DIAPH2: variants seen among roughly 807,000 people sequenced by gnomAD.
DIAPH2 encodes diaphanous related formin 2, also known as protein diaphanous homolog 2.
Under a neutral mutation model 92.7 loss-of-function variants are expected in DIAPH2, and 35 were observed. The observed-to-expected ratio is 0.38, with a 90% CI of 0.29 to 0.50. DIAPH2 has a LOEUF of 0.50. Ranked by LOEUF, DIAPH2 falls within the 20% of genes least tolerant of loss-of-function variation. The pLI is 0.94. For synonymous variants in DIAPH2, 301 were observed against 280.4 expected, an observed-to-expected ratio of 1.07 and a Z score of -0.73; for missense variants, 701 against 819.5, an observed-to-expected ratio of 0.86 and a Z score of 1.77.
At chrX:97,396,692 C>A (rs1156305488) in intron 25 of DIAPH2, among the ~76,000 whole-genome samples, 1 of 111,984 alleles carries the variant, frequency 8.9e-6, no homozygotes, top group African/African-American at 3.2e-5. Context: ...GGATTATGGA[C>A]AAAAACCTTT....
At chrX:96,924,049 C>A (rs12007742) in intron 9 of DIAPH2, among the ~76,000 whole-genome samples, 5,453 of 111,585 alleles carry the variant, frequency 0.049, 350 homozygotes, top group African/African-American at 0.17. Context: ...GATTTTACTG[C>A]AAGCATACTT....
chrX:97,113,431 TA>T lies in DIAPH2; in HGVS notation c.2350-1287del, dbSNP rs1233719523. Among the ~76,000 whole-genome samples, 4 of 111,013 alleles carry T rather than the reference TA, an allele frequency of 3.6e-5. No homozygotes were observed. In the South Asian group the frequency reaches 1.5e-3, roughly 42 times the overall value. On this transcript the variant is annotated intron_variant, in intron 20 of 26. Transcript: ENST00000324765. ...TTTGTATAATAATACCCTGACCAGA[TA>T]AAAAAAAGTGAGTCATAAGTGATGA...
Position 97,275,314 on chromosome X carries a change from G to C in DIAPH2, c.2844+27475G>C, listed in dbSNP as rs949969940. On this transcript the variant is annotated intron_variant, in intron 23 of 26. Coordinates refer to ENST00000324765, the MANE Select transcript of DIAPH2 (RefSeq NM_006729.5). Reference sequence around the variant, plus strand: ...TCCCGGGAGGGGCGGCTGGCCCGGCGGGGGCTGTCCCCCCGCCCACCTCCC... The same window carrying C: ...TCCCGGGAGGGGCGGCTGGCCCGGCCGGGGCTGTCCCCCCGCCCACCTCCC... 5.6e-4 allele frequency among the ~76,000 whole-genome samples: 7 copies of C among 12,561 alleles called. No individual in the cohort carries two copies. In the Admixed American group the frequency reaches 7.3e-3, roughly 13 times the overall value. The allele number at this position is 12,561 out of a possible 115,157, so 10.9% of individuals were successfully genotyped here. A position where few individuals can be genotyped will look rare whatever the true frequency, so the allele number is the denominator to read the frequency against.
Position 96,836,713 on chromosome X carries a change from A to ATT in DIAPH2, c.448-44865_448-44864insTT, listed in dbSNP as rs1569409260. Among the ~76,000 whole-genome samples, 44 of 22,712 alleles carry ATT rather than the reference A, an allele frequency of 1.9e-3. 1 individual carries two copies. Among genetic ancestry groups the ATT allele is most frequent in the Non-Finnish European group, 3.1e-3 (42 of 13,726 alleles). The allele number at this position is 22,712 out of a possible 115,157, so 19.7% of individuals were successfully genotyped here. On this transcript the variant is annotated intron_variant, in intron 4 of 26. Transcript: ENST00000324765. ...TATATATATATATATATATATATAT[A>ATT]TATATTTTTTTTTTTTTTTTTTTTT...
chrX:97,563,707 C>T (rs1375464761), intron 26 of DIAPH2, among the ~76,000 whole-genome samples: 3 of 110,911 alleles, frequency 2.7e-5, no homozygotes, highest in African/African-American at 3.3e-5. Flanking sequence ...CGTGTGGATA[C>T]GGTAAAGCAT....
chrX:97,199,151 A>C (rs2067727130), intron 22 of DIAPH2, among the ~76,000 whole-genome samples: 1 of 110,427 alleles, frequency 9.1e-6, no homozygotes, highest in Admixed American at 9.8e-5. Context: ...ATCTCCCCTT[A>C]TAATAGTTAG....
At chrX:96,789,055 G>A (rs1016038897) in intron 4 of DIAPH2, among the ~76,000 whole-genome samples, 3 of 112,367 alleles carry the variant, frequency 2.7e-5, no homozygotes, top group Non-Finnish European at 5.6e-5. Flanking sequence ...CACTAATGGC[G>A]AAGATTTATT....
chrX:97,025,682 AAAAC>A (rs1160605120), intron 17 of DIAPH2, among the ~76,000 whole-genome samples: 2 of 110,341 alleles, frequency 1.8e-5, no homozygotes, highest in African/African-American at 6.5e-5. Context: ...AACAAACAAA[AAAAC>A]AAAAAAAAAG....
intron 26 of DIAPH2, among the ~76,000 whole-genome samples, chrX:97,482,489 A>G (rs1056256792): frequency 7.2e-5 from 8 of 111,748 alleles, no homozygotes; most frequent in African/African-American, 2.0e-4. Flanking sequence ...TTGACTCACA[A>G]AGGTGAAGCT....
chrX:97,327,133 CTG>C (rs1271684546), intron 23 of DIAPH2, among the ~76,000 whole-genome samples: 2 of 112,021 alleles, frequency 1.8e-5, no homozygotes, highest in African/African-American at 6.5e-5. Context: ...GAGTCTCACT[CTG>C]TTGCCCAGGC....
intron 17 of DIAPH2, among the ~76,000 whole-genome samples, chrX:96,979,500 C>T (rs776291144): frequency 1.2e-4 from 13 of 112,317 alleles, no homozygotes; most frequent in Non-Finnish European, 2.4e-4. Context: ...AGACTTCTCC[C>T]TGAACACAGT....
intron 12 of DIAPH2, among the ~76,000 whole-genome samples, chrX:96,941,222 C>T (rs1318470857): frequency 1.8e-5 from 2 of 111,741 alleles, no homozygotes; most frequent in Non-Finnish European, 3.8e-5. Flanking sequence ...CATAATTTGT[C>T]TATAGTCGTA....
intron 4 of DIAPH2, among the ~76,000 whole-genome samples, chrX:96,841,913 A>C (rs779340381): frequency 1.8e-5 from 2 of 111,059 alleles, no homozygotes; most frequent in Non-Finnish European, 3.8e-5. Context: ...GGAAAATTAC[A>C]GTCAAAGGGG....
intron 4 of DIAPH2, among the ~76,000 whole-genome samples, chrX:96,797,958 G>A: frequency 8.9e-6 from 1 of 112,541 alleles, no homozygotes; most frequent in Non-Finnish European, 1.9e-5. Context: ...TGGGGTATTG[G>A]TGCAGGACCC....
At chrX:96,763,172 A>C (rs1398592293) in intron 4 of DIAPH2, 23 of 870,853 alleles carry the variant, frequency 2.6e-5, no homozygotes, top group Non-Finnish European at 3.0e-5. Context: ...TGGTTTTGTA[A>C]ATTGTGATTT....
In DIAPH2 at chrX:97,364,921, C is replaced by T. The variant is rs139812773; in HGVS notation, c.3009+16641C>T. ...TGTGATTTTATTATTCAGCTCTAGA[C>T]CCAAGTTTATTTTCTGTTGGATGCC... On this transcript the variant is annotated intron_variant, in intron 24 of 26. Transcript: ENST00000324765. Among the ~76,000 whole-genome samples, 116 of 110,643 alleles carry T rather than the reference C, an allele frequency of 1.0e-3. 2 individuals are homozygous for T. The East Asian group carries it at 0.028, about 27-fold the overall frequency.
intron 9 of DIAPH2, among the ~76,000 whole-genome samples, chrX:96,923,147 T>G: frequency 8.9e-6 from 1 of 112,280 alleles, no homozygotes. Flanking sequence ...TACAATGATG[T>G]ACTATCAAAA....
intron 4 of DIAPH2, among the ~76,000 whole-genome samples, chrX:96,829,550 A>G (rs2064837636): frequency 9.1e-6 from 1 of 110,052 alleles, no homozygotes; most frequent in African/African-American, 3.3e-5. Flanking sequence ...CTAGATTACA[A>G]TGGCACTATC....
chrX:97,390,495 C>T (rs1333391865), intron 25 of DIAPH2, among the ~76,000 whole-genome samples: 3 of 110,418 alleles, frequency 2.7e-5, no homozygotes, highest in Non-Finnish European at 5.7e-5. Context: ...GGATTATAGG[C>T]GTGAGCTACT....
Sources: allele counts gnomAD v4.1 joint callset (sites outside exome capture counted in the v4.1 genomes callset), GRCh38; gene constraint gnomAD v4.1.1; transcripts MANE v1.5; gene names NCBI Gene and HGNC (gene_info 2026-07-23, HGNC 2026-07-21).